Variants in ACACA observed in about 807,000 individuals in gnomAD.
ACACA encodes acetyl-CoA carboxylase 1.
A neutral mutation model predicts 296.1 loss-of-function variants in ACACA; 103 were observed. The ratio of observed to expected loss-of-function variants is 0.35; its 90% confidence interval spans 0.30 to 0.41. ACACA has a LOEUF of 0.41. Among genes scored for constraint, ACACA ranks in the 10% least tolerant of loss-of-function variants. The probability of loss-of-function intolerance (pLI) is 1.00; values close to 1 mark genes in which losing one functional copy is unlikely to be tolerated. For synonymous variants in ACACA, 953 were observed against 1,038.6 expected (o/e 0.92, Z 1.58); for missense variants, 1,554 against 2,989.7 (o/e 0.52, Z 11.20).
chr17:37,300,951 C>G (rs1310809712), intron 3 of ACACA, among the ~76,000 whole-genome samples: 2 of 152,156 alleles, frequency 1.3e-5, no homozygotes, highest in African/African-American at 4.8e-5. Context: ...AGCACTGCAG[C>G]CTTTGTTCAG....
Position 37,087,336 on chromosome 17 carries a change from T to A in ACACA, c.7132A>T (p.Met2378Leu), listed in dbSNP as rs1447423679. 2 of 1,614,070 alleles carry A rather than the reference T, an allele frequency of 1.2e-6. No individual in the cohort carries two copies. The highest frequency in any genetic ancestry group is 1.7e-6 in the Non-Finnish European group (2 of 1,180,012). Residue 2378 changes from methionine to leucine, a missense_variant, in exon 56 of 56, where the codon ATG becomes TTG. By Grantham distance (15) the Met-to-Leu change is conservative. Coordinates refer to ENST00000616317, the MANE Select transcript of ACACA (RefSeq NM_198834.3). ...TCTTCCTACGTGGAAGGGGAATCCA[T>A]TGTGGAGAGGATCCGTATGACTTCT... ...RAEVIRILST[M>L]DSPST
intron 3 of ACACA, among the ~76,000 whole-genome samples, chr17:37,304,356 A>C (rs2083767442): frequency 6.6e-6 from 1 of 152,002 alleles, no homozygotes; most frequent in Non-Finnish European, 1.5e-5. Context: ...ATAATTTTAA[A>C]ATTTTTGTAG....
rs1176747438 is a variant in ACACA, at chr17:37,330,423, C to A, written c.88G>T (p.Val30Leu). Reference protein sequence around the residue: ...STQTVRIIRAVRAHFGGIMDE... With the variant: ...STQTVRIIRALRAHFGGIMDE... ...ATTATTCCTCCAAAATGAGCTCTTA[C>A]AGCTATGGAGAAAATGAAAAGTGAG... The change falls in exon 3 of 56, where the codon GTA becomes TTA. Residue 30 changes from valine (V) to leucine (L), a missense_variant and splice_region_variant. Val to Leu is a conservative substitution (Grantham distance 32, BLOSUM62 1). This residue lies in a region of ACACA where 140 missense variants were observed against 147.7 expected (regional missense o/e 0.95). Transcript: ENST00000616317. 1 of 1,614,156 alleles carries A rather than the reference C, an allele frequency of 6.2e-7. No homozygotes were observed. Among genetic ancestry groups the A allele is most frequent in the Admixed American group, 1.7e-5 (1 of 60,018 alleles).
chr17:37,241,669 T>C (rs929393586), intron 23 of ACACA, among the ~76,000 whole-genome samples: 2 of 152,098 alleles, frequency 1.3e-5, no homozygotes, highest in Non-Finnish European at 2.9e-5. Context: ...ATTGAGCCAC[T>C]GCACTCCAGT....
intron 41 of ACACA, among the ~76,000 whole-genome samples, chr17:37,166,368 GACT>G (rs1206416462): frequency 2.6e-5 from 4 of 151,896 alleles, no homozygotes; most frequent in Non-Finnish European, 5.9e-5. Flanking sequence ...TGAACTCCTG[GACT>G]CAAGTGATCC....
At chr17:37,209,592 C>T (rs2078659089) in intron 30 of ACACA, among the ~76,000 whole-genome samples, 1 of 152,186 alleles carries the variant, frequency 6.6e-6, no homozygotes, top group Non-Finnish European at 1.5e-5. Flanking sequence ...AAAGCATTCC[C>T]TTTCCTCTCC....
chr17:37,251,894 G>T, intron 16 of ACACA, 111 bp downstream of exon 16: 1 of 983,002 alleles, frequency 1.0e-6, no homozygotes, highest in Non-Finnish European at 1.6e-6. Flanking sequence ...ATAACAAGTA[G>T]CACTCATAAG....
At chr17:37,291,178 A>T (rs1261833010) in intron 3 of ACACA, among the ~76,000 whole-genome samples, 3 of 149,142 alleles carry the variant, frequency 2.0e-5, no homozygotes, top group Non-Finnish European at 3.0e-5. Context: ...ATCTCATAAT[A>T]TTTGTTTTTG....
At chr17:37,259,980 C>T (rs910689680) in intron 11 of ACACA, among the ~76,000 whole-genome samples, 3 of 150,268 alleles carry the variant, frequency 2.0e-5, no homozygotes, top group Admixed American at 1.3e-4. Flanking sequence ...CTCCCGGGTT[C>T]AAGTGATTCT....
chr17:37,251,881 T>C (rs991137401), intron 16 of ACACA, 124 bp downstream of exon 16: 4 of 916,422 alleles, frequency 4.4e-6, no homozygotes, highest in Middle Eastern at 2.1e-4. Context: ...CCATGGTCCA[T>C]GAATAACAAG....
intron 3 of ACACA, among the ~76,000 whole-genome samples, chr17:37,309,111 T>C: frequency 6.6e-6 from 1 of 152,134 alleles, no homozygotes; most frequent in East Asian, 1.9e-4. Context: ...CCTTAAACTC[T>C]TGGGGGCTCA....
intron 3 of ACACA, among the ~76,000 whole-genome samples, chr17:37,312,393 G>T (rs529686430): frequency 6.6e-6 from 1 of 152,266 alleles, no homozygotes; most frequent in East Asian, 1.9e-4. Context: ...CCACTTATTA[G>T]GTAGGAAAAT....
At chr17:37,183,475 T>A (rs1272496885) in intron 39 of ACACA, among the ~76,000 whole-genome samples, 1 of 152,106 alleles carries the variant, frequency 6.6e-6, no homozygotes, top group Non-Finnish European at 1.5e-5. Context: ...TACTAATAGC[T>A]CAAACTAGGA....
chr17:37,250,923 A>G (rs1357983761), intron 16 of ACACA, among the ~76,000 whole-genome samples: 1 of 148,302 alleles, frequency 6.7e-6, no homozygotes, highest in Non-Finnish European at 1.5e-5. Flanking sequence ...GCTACTCGAG[A>G]GGCTGAGGCA....
chr17:37,219,462 G>A (rs1296104480), intron 29 of ACACA, among the ~76,000 whole-genome samples: 1 of 152,036 alleles, frequency 6.6e-6, no homozygotes, highest in African/African-American at 2.4e-5. Flanking sequence ...TTGGTCAGAA[G>A]TGCAAGTGGC....
chr17:37,113,442 C>T lies in ACACA; in HGVS notation c.6275-177G>A, dbSNP rs1409469299. Among the ~76,000 whole-genome samples the T allele has an allele frequency of 2.0e-5, 3 of 152,188 alleles. No individual in the cohort carries two copies. The highest frequency in any genetic ancestry group is 4.4e-5 in the Non-Finnish European group (3 of 68,036). On this transcript the variant is annotated intron_variant, in intron 50 of 55. Coordinates refer to ENST00000616317, the MANE Select transcript of ACACA (RefSeq NM_198834.3). The surrounding 1 kb of genome is among the most constrained non-coding windows in gnomAD (Gnocchi z 4.0). ...TATCCCATTCAAGACTCCAGAGGAT[C>T]TTCAAAAGCACAAGACAGCAACAGA...
chr17:37,229,505 G>A (rs533329155), intron 25 of ACACA, among the ~76,000 whole-genome samples: 7 of 151,710 alleles, frequency 4.6e-5, no homozygotes, highest in African/African-American at 1.4e-4. Context: ...GGGTTTCACC[G>A]TGTTAACCAG....
chr17:37,101,916 A>G (rs2073381452), intron 52 of ACACA, among the ~76,000 whole-genome samples: 1 of 152,132 alleles, frequency 6.6e-6, no homozygotes, highest in Non-Finnish European at 1.5e-5. Flanking sequence ...GACCATATCT[A>G]ACACACCATT....
Position 37,113,116 on chromosome 17 carries a change from T to A in ACACA, c.6424A>T (p.Met2142Leu), listed in dbSNP as rs771997534. The A allele has an allele frequency of 2.5e-6, 4 of 1,614,146 alleles. No individual in the cohort carries two copies. Among genetic ancestry groups the A allele is most frequent in the Non-Finnish European group, 3.4e-6 (4 of 1,180,018 alleles). Residue 2142 changes from methionine to leucine, a missense_variant, in exon 51 of 56, where the codon ATG becomes TTG. Transcript: ENST00000616317. This position sits in a 1 kb window ranked among gnomAD's most constrained non-coding sequence, Gnocchi z 4.0. The part of the protein sequence containing the change: ...VIDSSINPRH[M>L]EMYADRESRG... ...CTTTCTCGGTCAGCATACATCTCCA[T>A]GTGCCGGGGGTTGATGGAGGAGTCA... is the stretch of plus-strand genomic sequence containing the variant.
Sources: allele counts gnomAD v4.1 joint callset (sites outside exome capture counted in the v4.1 genomes callset), GRCh38; gene constraint gnomAD v4.1.1; regional missense constraint gnomAD v4.1.1; non-coding constraint Gnocchi (gnomAD v3.1); transcripts MANE v1.5; gene names NCBI Gene and HGNC (gene_info 2026-07-23, HGNC 2026-07-21).